Variants in EYS observed in about 807,000 individuals in gnomAD.
EYS encodes the protein protein eyes shut homolog.
Under a neutral mutation model 282.1 loss-of-function variants are expected in EYS, and 250 were observed. That is an observed-to-expected ratio of 0.89 (90% confidence interval 0.80 to 0.98). The LOEUF is 0.98. Ranked by LOEUF, EYS falls within the 50% of genes least tolerant of loss-of-function variation. The pLI is 0.00. For missense variants in EYS, 4,016 were observed against 3,709.0 expected, an observed-to-expected ratio of 1.08 and a Z score of -2.15; for synonymous variants, 1,355 against 1,282.9, an observed-to-expected ratio of 1.06 and a Z score of -1.20.
intron 19 of EYS, among the ~76,000 whole-genome samples, chr6:64,868,748 A>G (rs1766500117): frequency 6.6e-6 from 1 of 151,544 alleles, no homozygotes; most frequent in Non-Finnish European, 1.5e-5. Flanking sequence ...TCATTTCATT[A>G]CAGGAACATA....
chr6:65,219,906 G>A (rs1766416154), intron 12 of EYS, among the ~76,000 whole-genome samples: 1 of 151,976 alleles, frequency 6.6e-6, no homozygotes, highest in Non-Finnish European at 1.5e-5. Flanking sequence ...GAACAGTATG[G>A]GGAAAACTGC....
intron 31 of EYS, among the ~76,000 whole-genome samples, chr6:64,137,083 A>G (rs1774186012): frequency 6.6e-6 from 1 of 152,154 alleles, no homozygotes; most frequent in South Asian, 2.1e-4. Context: ...TGCAGCTTCT[A>G]CATCATCACT....
chr6:65,004,562 G>T lies in EYS; in HGVS notation c.2138-6859C>A, dbSNP rs895520242. 2.0e-5 allele frequency among the ~76,000 whole-genome samples: 3 copies of T among 147,534 alleles called. 1 individual carries two copies. The highest frequency in any genetic ancestry group is 2.0e-4 in the Admixed American group (3 of 14,860). On this transcript the variant is annotated intron_variant, in intron 13 of 42. Coordinates refer to ENST00000503581, the MANE Select transcript of EYS (RefSeq NM_001142800.2). ...GGCACACTGGCACCGGAACTCAAGG[G>T]GAAACATTTCCAAATCCATTTTCTC...
At chr6:65,284,424 G>A (rs558348246) in intron 12 of EYS, among the ~76,000 whole-genome samples, 1 of 151,828 alleles carries the variant, frequency 6.6e-6, no homozygotes, top group Non-Finnish European at 1.5e-5. Flanking sequence ...TATACCATAA[G>A]AAAAAATATC....
chr6:65,673,517 G>C (rs1205729913), intron 1 of EYS, among the ~76,000 whole-genome samples: 1 of 152,108 alleles, frequency 6.6e-6, no homozygotes, highest in East Asian at 1.9e-4. Context: ...TACACTTAGA[G>C]AGTGGCCAAG....
chr6:64,505,377 T>C (rs964986939), intron 26 of EYS, among the ~76,000 whole-genome samples: 4 of 152,202 alleles, frequency 2.6e-5, no homozygotes, highest in Non-Finnish European at 4.4e-5. Flanking sequence ...TTTGGAAATA[T>C]GTTGAGTGTA....
At chr6:65,039,125 T>C (rs1457341964) in intron 13 of EYS, among the ~76,000 whole-genome samples, 1 of 151,530 alleles carries the variant, frequency 6.6e-6, no homozygotes, top group African/African-American at 2.4e-5. Flanking sequence ...TTCTACATTT[T>C]CTCCTTCATA....
chr6:65,245,995 A>G (rs917820618), intron 12 of EYS, among the ~76,000 whole-genome samples: 3 of 152,030 alleles, frequency 2.0e-5, no homozygotes, highest in African/African-American at 7.2e-5. Context: ...TTGTCTTTCT[A>G]TTTTCCTTAT....
chr6:65,093,665 T>C (rs1271036192), intron 12 of EYS, among the ~76,000 whole-genome samples: 1 of 151,598 alleles, frequency 6.6e-6, no homozygotes, highest in East Asian at 1.9e-4. Context: ...AGTATGTCAC[T>C]AAAAAACAAA....
intron 31 of EYS, among the ~76,000 whole-genome samples, chr6:64,197,979 T>TTTTA (rs368337390): frequency 0.044 from 6,208 of 140,478 alleles, 133 homozygotes; most frequent in African/African-American, 0.068. Flanking sequence ...TCTTTTTAAT[T>TTTTA]TTTATTTATT....
chr6:63,954,909 T>C (rs1271308804), intron 35 of EYS, among the ~76,000 whole-genome samples: 1 of 152,188 alleles, frequency 6.6e-6, no homozygotes, highest in Non-Finnish European at 1.5e-5. Flanking sequence ...AAATCTGTCC[T>C]CAAGGAAATA....
At position 65,639,852 on chromosome 6, in the gene EYS, G is replaced by A. The variant is rs137924872; in HGVS notation, c.-407C>T. On this transcript the variant is annotated 5_prime_UTR_variant, in exon 2 of 43. Coordinates refer to ENST00000503581, the MANE Select transcript of EYS (RefSeq NM_001142800.2). Reference sequence around the variant, plus strand: ...AAATAAATATGGAGCAGAGGATCCAGACTTGACTCCCCAGGTGTAAGAGAA... The same window carrying A: ...AAATAAATATGGAGCAGAGGATCCAAACTTGACTCCCCAGGTGTAAGAGAA... 3 of 152,234 alleles carry A rather than the reference G, an allele frequency of 2.0e-5. No homozygotes were observed. In the East Asian group the frequency reaches 5.8e-4, roughly 29 times the overall value. 9.4% of individuals were successfully genotyped at this position (152,234 alleles called of 1,614,324 possible).
rs181190340 is a variant in EYS at position 65,415,938 on chromosome 6, C to T, written c.863-10571G>A. Among the ~76,000 whole-genome samples, 707 of 151,988 alleles carry T rather than the reference C, an allele frequency of 4.7e-3. 6 individuals carry two copies. The highest frequency in any genetic ancestry group is 0.016 in the African/African-American group (673 of 41,480). On this transcript the variant is annotated intron_variant, in intron 5 of 42. Transcript: ENST00000503581. ...GGTTCCATGTATATTTTACTGCAAA[C>T]AAATTAATAAGTAGAGATAAATTTA...
At chr6:63,943,685 T>G (rs1258223307) in intron 35 of EYS, among the ~76,000 whole-genome samples, 2 of 152,198 alleles carry the variant, frequency 1.3e-5, no homozygotes, top group East Asian at 3.8e-4. Flanking sequence ...TGTTCCTATT[T>G]TGGTAGAGTG....
At chr6:65,282,495 A>C (rs963642239) in intron 12 of EYS, among the ~76,000 whole-genome samples, 1 of 152,022 alleles carries the variant, frequency 6.6e-6, no homozygotes, top group African/African-American at 2.4e-5. Context: ...AACAAAAATA[A>C]GTTGTTAACA....
At chr6:65,687,611 G>A (rs1397178911) in intron 1 of EYS, among the ~76,000 whole-genome samples, 9 of 152,204 alleles carry the variant, frequency 5.9e-5, no homozygotes, top group African/African-American at 2.2e-4. Context: ...GAAATAAAGG[G>A]CATTCAATTA....
At chr6:64,635,391 G>C (rs1480966621) in intron 22 of EYS, among the ~76,000 whole-genome samples, 1 of 152,176 alleles carries the variant, frequency 6.6e-6, no homozygotes, top group Non-Finnish European at 1.5e-5. Context: ...GGGCATCCCT[G>C]TCTTGTGCCG....
At position 64,148,218 on chromosome 6, in the gene EYS, ATATGTG is replaced by A. The variant is rs1348694127; in HGVS notation, c.6425-66222_6425-66217del. ...ATTTCATCTCATTTTCTATATATGT[ATATGTG>A]TATGTTTTGAAATTATAGATATGTT... is the stretch of plus-strand genomic sequence containing the variant. On this transcript the variant is annotated intron_variant, in intron 31 of 42. Transcript: ENST00000503581. 5.3e-5 allele frequency among the ~76,000 whole-genome samples: 8 copies of A among 152,298 alleles called. No individual in the cohort carries two copies. The East Asian group carries it at 5.8e-4, about 11-fold the overall frequency.
intron 35 of EYS, among the ~76,000 whole-genome samples, chr6:63,962,072 C>T (rs1330602162): frequency 6.6e-6 from 1 of 152,118 alleles, no homozygotes; most frequent in Non-Finnish European, 1.5e-5. Context: ...AAATCTGAAA[C>T]TGGATCCCTT....
Sources: gnomAD v4.1 joint callset for allele counts (sites outside exome capture counted in the v4.1 genomes callset) on GRCh38, gnomAD v4.1.1 for gene constraint, MANE v1.5 for transcripts, NCBI Gene and HGNC (gene_info 2026-07-23, HGNC 2026-07-21) for gene names.